The following TRAPPC9 variants were observed in gnomAD, a reference collection of about 807,000 sequenced individuals.
TRAPPC9 encodes the protein IKK2 binding protein.
A neutral mutation model predicts 124.0 loss-of-function variants in TRAPPC9; 83 were observed. That is an observed-to-expected ratio of 0.67 (90% CI 0.56 to 0.80). The LOEUF (loss-of-function observed/expected upper bound fraction) is 0.80, where lower values mean the gene tolerates loss of function less well. Among genes scored for constraint, TRAPPC9 ranks in the 30% least tolerant of loss-of-function variants. The pLI, the probability that TRAPPC9 is intolerant of heterozygous loss-of-function variation, is 0.00. For missense variants in TRAPPC9, 1,302 were observed against 1,508.3 expected, an observed-to-expected ratio of 0.86 and a Z score of 2.27; for synonymous variants, 638 against 617.5, an observed-to-expected ratio of 1.03 and a Z score of -0.49.
chr8:140,032,368 T>G (rs758745417), intron 17 of TRAPPC9, among the ~76,000 whole-genome samples: 14 of 152,138 alleles, frequency 9.2e-5, no homozygotes, highest in Non-Finnish European at 8.8e-5. Flanking sequence ...ATACATTTAT[T>G]TACACAGAAA....
At chr8:140,233,654 A>ACACACACACACACACACAC (rs1563868284) in intron 16 of TRAPPC9, among the ~76,000 whole-genome samples, 9 of 38,238 alleles carry the variant, frequency 2.4e-4, no homozygotes, top group African/African-American at 7.6e-4. Context: ...CACACACATA[A>ACACACACACACACACACAC]ACACACCCTC....
chr8:139,881,034 A>G (rs1339451107), intron 21 of TRAPPC9: 1 of 152,236 alleles, frequency 6.6e-6, no homozygotes, highest in African/African-American at 2.4e-5. Context: ...TATTCGCATT[A>G]TTTGCCAACA....
At chr8:140,206,345 T>TA (rs373695361) in intron 17 of TRAPPC9, among the ~76,000 whole-genome samples, 2 of 152,318 alleles carry the variant, frequency 1.3e-5, no homozygotes, top group African/African-American at 2.4e-5. Context: ...CTTGCAGTCT[T>TA]ACGTTTGCTT....
intron 15 of TRAPPC9, among the ~76,000 whole-genome samples, chr8:140,272,123 A>ATAG (rs796799306): frequency 3.5e-5 from 5 of 141,050 alleles, no homozygotes; most frequent in African/African-American, 1.4e-4. Context: ...GGCAATGGTG[A>ATAG]TGGTGGCGAT....
chr8:140,413,878 T>C (rs1280277419), intron 5 of TRAPPC9, among the ~76,000 whole-genome samples: 1 of 151,864 alleles, frequency 6.6e-6, no homozygotes, highest in East Asian at 1.9e-4. Flanking sequence ...CCATGGTGTA[T>C]ATGTGCCACA....
intron 17 of TRAPPC9, among the ~76,000 whole-genome samples, chr8:140,190,842 T>C (rs2131079550): frequency 6.6e-6 from 1 of 152,280 alleles, no homozygotes; most frequent in African/African-American, 2.4e-5. Context: ...GTCAAATATA[T>C]AAGAACAGAG....
At chr8:140,417,645 C>G (rs1363292410) in intron 5 of TRAPPC9, among the ~76,000 whole-genome samples, 4 of 152,188 alleles carry the variant, frequency 2.6e-5, no homozygotes, top group Admixed American at 6.5e-5. Context: ...TTGTGGAAGA[C>G]AGTGTAGCGA....
chr8:139,881,546 C>T (rs566198670), intron 21 of TRAPPC9, among the ~76,000 whole-genome samples: 3 of 152,318 alleles, frequency 2.0e-5, no homozygotes, highest in East Asian at 1.9e-4. Flanking sequence ...GATGAAGTCA[C>T]TCACCCACAT....
intron 21 of TRAPPC9, among the ~76,000 whole-genome samples, chr8:139,831,762 T>C (rs186305018): frequency 6.6e-6 from 1 of 152,244 alleles, no homozygotes; most frequent in African/African-American, 2.4e-5. Context: ...GCAGTGAAAG[T>C]GTTACTCTCC....
At position 140,284,158 on chromosome 8, in the gene TRAPPC9, C is replaced by T; in HGVS notation, c.1982-137G>A. On this transcript the variant is annotated intron_variant, in intron 13 of 22. Coordinates refer to ENST00000438773, the MANE Select transcript of TRAPPC9 (RefSeq NM_001160372.4). Reference sequence around the variant, plus strand: ...AAGCTGCCCGGGGCCCGCCGGCGCTCACCCACACTCCCGCCCTCAACCCCA... The same window carrying T: ...AAGCTGCCCGGGGCCCGCCGGCGCTTACCCACACTCCCGCCCTCAACCCCA... 4.5e-6 allele frequency: 5 copies of T among 1,101,252 alleles called. No individual in the cohort carries two copies. In the South Asian group the frequency reaches 6.4e-5, roughly 14 times the overall value. 68.2% of individuals were successfully genotyped at this position (1,101,252 alleles called of 1,614,324 possible). A position where few individuals can be genotyped will look rare whatever the true frequency, so the allele number is the denominator to read the frequency against.
chr8:140,199,926 C>A (rs535632884), intron 17 of TRAPPC9, among the ~76,000 whole-genome samples: 18 of 152,150 alleles, frequency 1.2e-4, no homozygotes, highest in African/African-American at 4.1e-4. Context: ...ACTACATACC[C>A]ACAAAAATTA....
intron 20 of TRAPPC9, among the ~76,000 whole-genome samples, chr8:139,892,133 C>G (rs753469735): frequency 6.6e-6 from 1 of 152,250 alleles, no homozygotes; most frequent in Non-Finnish European, 1.5e-5. Context: ...CCCCGAGTCC[C>G]GCACAAAGGC....
At chr8:139,896,510 G>T (rs1830678255) in intron 20 of TRAPPC9, among the ~76,000 whole-genome samples, 1 of 152,150 alleles carries the variant, frequency 6.6e-6, no homozygotes, top group Non-Finnish European at 1.5e-5. Flanking sequence ...TCATTTCAAA[G>T]ATTTTTCTAG....
chr8:140,272,585 T>C (rs2064988027), intron 15 of TRAPPC9, among the ~76,000 whole-genome samples: 1 of 151,930 alleles, frequency 6.6e-6, no homozygotes, highest in Non-Finnish European at 1.5e-5. Flanking sequence ...GGCTGGCTAA[T>C]TTACAGGGAG....
intron 17 of TRAPPC9, among the ~76,000 whole-genome samples, chr8:140,114,753 GCCT>G (rs1044562302): frequency 2.0e-5 from 3 of 152,176 alleles, no homozygotes; most frequent in African/African-American, 7.2e-5. Flanking sequence ...GAACCGCAAA[GCCT>G]CCTCGGAAAC....
chr8:140,284,135 G>A, intron 13 of TRAPPC9, 114 bp from the exon 14 acceptor site: 1 of 1,440,716 alleles, frequency 6.9e-7, no homozygotes, highest in African/African-American at 1.4e-5. Context: ...GAGTTCCGAA[G>A]CTGCCCGGGG....
At chr8:139,899,436 T>C (rs541195419) in intron 20 of TRAPPC9, among the ~76,000 whole-genome samples, 2 of 152,178 alleles carry the variant, frequency 1.3e-5, no homozygotes, top group Non-Finnish European at 2.9e-5. Context: ...ACATTTCCTA[T>C]TCATGAAGTG....
chr8:140,193,953 G>C (rs897504443), intron 17 of TRAPPC9, among the ~76,000 whole-genome samples: 1 of 152,186 alleles, frequency 6.6e-6, no homozygotes, highest in Non-Finnish European at 1.5e-5. Context: ...CAACATTCTG[G>C]GAAAAGTCCA....
At chr8:139,821,399 G>T (rs753468011) in intron 21 of TRAPPC9, among the ~76,000 whole-genome samples, 30 of 152,242 alleles carry the variant, frequency 2.0e-4, no homozygotes, top group Non-Finnish European at 2.8e-4. Context: ...CCTGGTACTT[G>T]GAGAGTATGC....
Sources: gnomAD v4.1 joint callset for allele counts (sites outside exome capture counted in the v4.1 genomes callset) on GRCh38, gnomAD v4.1.1 for gene constraint, MANE v1.5 for transcripts, NCBI Gene and HGNC (gene_info 2026-07-23, HGNC 2026-07-21) for gene names.